DDIAS: variants seen among roughly 807,000 people sequenced by gnomAD.
The protein encoded by DDIAS is DNA damage-induced apoptosis suppressor protein.
A neutral mutation model predicts 15.7 loss-of-function variants in DDIAS; 14 were observed. The observed-to-expected ratio is 0.89, with a 90% confidence interval of 0.59 to 1.39. The LOEUF is 1.39. Among genes scored for constraint, DDIAS ranks in the 40% most tolerant of loss-of-function variants. The probability of loss-of-function intolerance (pLI) is 0.00; values close to 1 mark genes in which losing one functional copy is unlikely to be tolerated. For synonymous variants in DDIAS, 355 were observed against 395.9 expected, an observed-to-expected ratio of 0.90 and a Z score of 1.23; for missense variants, 1,035 against 1,130.9, an observed-to-expected ratio of 0.92 and a Z score of 1.22.
Position 82,930,213 on chromosome 11 carries a change from A to C in DDIAS, c.332A>C (p.Asn111Thr). The C allele has an allele frequency of 1.9e-6, 3 of 1,605,514 alleles. No individual in the cohort carries two copies. Among genetic ancestry groups the C allele is most frequent in the Non-Finnish European group, 1.7e-6 (2 of 1,175,010 alleles). The change falls in exon 5 of 6, where the codon AAT becomes ACT. Residue 111 changes from asparagine (N) to threonine (T), a missense_variant. Transcript: ENST00000533655. ...ACACTGGACAATGATACAACTCAGA[A>C]TCTATTAACTAAAGCAGTTGAAACT... ...PETLDNDTTQNLLTKAVETCF... is the reference protein window; with the variant it reads ...PETLDNDTTQTLLTKAVETCF...
chr11:82,931,111 CATTTTT>C (rs753898549), intron 5 of DDIAS, among the ~76,000 whole-genome samples: 10 of 152,208 alleles, frequency 6.6e-5, no homozygotes, highest in South Asian at 2.1e-4. Context: ...AGTAATCCTG[CATTTTT>C]ATTTTTATTT....
chr11:82,927,620 T>A lies in DDIAS; in HGVS notation c.114-1157T>A, dbSNP rs563300803. 5.9e-5 allele frequency among the ~76,000 whole-genome samples: 7 copies of A among 119,068 alleles called. No individual in the cohort carries two copies. The East Asian group carries it at 1.4e-3, about 24-fold the overall frequency. The allele number at this position is 119,068 out of a possible 152,430, so 78.1% of individuals were successfully genotyped here. ...TTACCATAAAATGTTTTTAGGTGCT[T>A]GTTGTATTTCAAAAAAATTTTTTAA... On this transcript the variant is annotated intron_variant, in intron 3 of 5. Transcript: ENST00000533655.
At chr11:82,926,667 T>G (rs1860869083) in intron 3 of DDIAS, among the ~76,000 whole-genome samples, 1 of 152,200 alleles carries the variant, frequency 6.6e-6, no homozygotes. Flanking sequence ...TGCAGGATCT[T>G]GGGCCTCATC....
intron 1 of DDIAS, among the ~76,000 whole-genome samples, chr11:82,902,313 G>C (rs1327905891): frequency 6.6e-6 from 1 of 152,018 alleles, no homozygotes; most frequent in Non-Finnish European, 1.5e-5. Context: ...TCTCAGATCT[G>C]TTCACTTCTC....
Position 82,933,750 on chromosome 11 carries a change from C to T in DDIAS, c.2412C>T (p.Asn804=). The T allele has an allele frequency of 1.2e-6, 2 of 1,610,404 alleles. No individual in the cohort carries two copies. Among genetic ancestry groups the T allele is most frequent in the African/African-American group, 1.3e-5 (1 of 74,620 alleles). Reference sequence around the variant, plus strand: ...TATTTTATTCAGATCTTGATGGTAACTATGAAAAAATAAGGATTTTCCCTG... The same window carrying T: ...TATTTTATTCAGATCTTGATGGTAATTATGAAAAAATAAGGATTTTCCCTG... The part of the protein sequence containing the change: ...KPVFYSDLDG[N]YEKIRIFPEN... Residue 804 remains asparagine (N), a synonymous_variant, in exon 6 of 6, where the codon AAC becomes AAT. Transcript: ENST00000533655.
Position 82,933,480 on chromosome 11 carries a change from A to G in DDIAS, c.2142A>G (p.Ser714=), listed in dbSNP as rs1291059519. Residue 714 remains serine (S), a synonymous_variant, in exon 6 of 6, where the codon TCA becomes TCG. Coordinates refer to ENST00000533655, the MANE Select transcript of DDIAS (RefSeq NM_145018.4). ...CATCTTTGGCAGAAAGTCACCCTTC[A>G]GAGTCTGATTTTTCACTGAGATCAC... ...WGTSLAESHP[S]ESDFSLRSLS... The G allele has an allele frequency of 3.7e-6, 6 of 1,613,954 alleles. No homozygotes were observed. The highest frequency in any genetic ancestry group is 5.1e-6 in the Non-Finnish European group (6 of 1,179,988).
intron 1 of DDIAS, among the ~76,000 whole-genome samples, chr11:82,908,346 A>T (rs900470496): frequency 2.6e-5 from 4 of 152,186 alleles, no homozygotes; most frequent in Admixed American, 6.5e-5. Flanking sequence ...TGCACAGACC[A>T]TTGTGAGATA....
intron 3 of DDIAS, among the ~76,000 whole-genome samples, chr11:82,915,146 G>A (rs996534706): frequency 1.3e-5 from 2 of 152,078 alleles, no homozygotes; most frequent in Non-Finnish European, 1.5e-5. Context: ...GATATCCCTG[G>A]GAATAATATA....
chr11:82,923,606 AG>A, intron 3 of DDIAS, among the ~76,000 whole-genome samples: 1 of 152,352 alleles, frequency 6.6e-6, no homozygotes. Flanking sequence ...GGTATTCTGC[AG>A]AGCCTTGGGG....
Position 82,932,908 on chromosome 11 carries a change from C to G in DDIAS, c.1570C>G (p.His524Asp). 1 of 1,612,478 alleles carries G rather than the reference C, an allele frequency of 6.2e-7. No individual in the cohort carries two copies. ...CAAAGTAGAGGCTGTCTCTGTAAAT[C>G]ATAATGGAAGAGATATGTCAGAATA... ...DNKVEAVSVN[H>D]NGRDMSEYFL... Residue 524 changes from histidine (H) to aspartate (D), a missense_variant, in exon 6 of 6, where the codon CAT (histidine) becomes GAT (aspartate). By Grantham distance (81) the His-to-Asp change is moderately conservative. Transcript: ENST00000533655.
intron 2 of DDIAS, 142 bp from the exon 3 acceptor site, chr11:82,914,581 C>T: frequency 2.0e-6 from 1 of 506,218 alleles, no homozygotes; most frequent in Non-Finnish European, 3.5e-6. Flanking sequence ...TTTTCCAATA[C>T]ATTGATACCA....
intron 3 of DDIAS, among the ~76,000 whole-genome samples, chr11:82,925,118 T>G (rs909796368): frequency 3.3e-5 from 5 of 152,210 alleles, no homozygotes; most frequent in African/African-American, 1.2e-4. Flanking sequence ...TTAAAGAGAT[T>G]TGCAAAATGT....
chr11:82,913,598 A>G (rs1411176103), intron 2 of DDIAS: 3 of 363,094 alleles, frequency 8.3e-6, no homozygotes, highest in Non-Finnish European at 1.6e-5. Flanking sequence ...ATCATTTGAC[A>G]TGTAACATTT....
chr11:82,909,015 A>G (rs1860478626), intron 1 of DDIAS, among the ~76,000 whole-genome samples: 1 of 152,196 alleles, frequency 6.6e-6, no homozygotes, highest in South Asian at 2.1e-4. Flanking sequence ...AAGTAGTCCC[A>G]ATTCAGACCC....
At chr11:82,925,901 T>C (rs1860850795) in intron 3 of DDIAS, among the ~76,000 whole-genome samples, 1 of 151,034 alleles carries the variant, frequency 6.6e-6, no homozygotes, top group African/African-American at 2.4e-5. Flanking sequence ...GGCAGGAGAA[T>C]CGCCTGAACC....
At chr11:82,919,110 T>C (rs945253355) in intron 3 of DDIAS, among the ~76,000 whole-genome samples, 3 of 152,208 alleles carry the variant, frequency 2.0e-5, no homozygotes, top group Non-Finnish European at 4.4e-5. Context: ...CTGATTGCAT[T>C]GTCTAGGACT....
intron 5 of DDIAS, among the ~76,000 whole-genome samples, chr11:82,931,151 A>T (rs1035210850): frequency 6.6e-6 from 1 of 152,176 alleles, no homozygotes; most frequent in Non-Finnish European, 1.5e-5. Context: ...GAGAAGACTC[A>T]GGTTAAATAA....
chr11:82,932,090 A>G lies in DDIAS; in HGVS notation c.752A>G (p.Gln251Arg), dbSNP rs769065090. ...CTTGAATTCACTTGCATTGTTTCAC[A>G]ACTAACAGATAATGATGATTTTTCA... ...PSLEFTCIVS[Q>R]LTDNDDFSAS... The change falls in exon 6 of 6, where the codon CAA (glutamine) becomes CGA (arginine). Residue 251 changes from glutamine (Q) to arginine (R), a missense_variant. Physicochemically the swap from Gln to Arg is conservative, Grantham distance 43. Coordinates refer to ENST00000533655, the MANE Select transcript of DDIAS (RefSeq NM_145018.4). 4 of 1,614,144 alleles carry G rather than the reference A, an allele frequency of 2.5e-6. No homozygotes were observed. The highest frequency in any genetic ancestry group is 3.4e-6 in the Non-Finnish European group (4 of 1,180,004).
At position 82,934,552 on chromosome 11, in the gene DDIAS, T is replaced by G; in HGVS notation, c.*217T>G. ...TGATTAGGTAGTTGAGCACTTTATC[T>G]TATACTGTTTATTGTACTTTAATAA... On this transcript the variant is annotated 3_prime_UTR_variant, in exon 6 of 6. Coordinates refer to ENST00000533655, the MANE Select transcript of DDIAS (RefSeq NM_145018.4). 2.3e-6 allele frequency: 1 copy of G among 442,924 alleles called. No homozygotes were observed. The highest frequency in any genetic ancestry group is 3.4e-5 in the East Asian group (1 of 29,018). The allele number at this position is 442,924 out of a possible 1,614,324, so 27.4% of individuals were successfully genotyped here.
Sources: allele counts gnomAD v4.1 joint callset (sites outside exome capture counted in the v4.1 genomes callset), GRCh38; gene constraint gnomAD v4.1.1; transcripts MANE v1.5; gene names NCBI Gene and HGNC (gene_info 2026-07-23, HGNC 2026-07-21).